The following HMBOX1 variants were observed in gnomAD, a reference collection of about 807,000 sequenced individuals.
HMBOX1 encodes the protein homeobox-containing protein 1.
Under a neutral mutation model 54.5 loss-of-function variants are expected in HMBOX1, and 14 were observed. That is an observed-to-expected ratio of 0.26 (90% CI 0.17 to 0.40). The LOEUF (loss-of-function observed/expected upper bound fraction) is 0.40, where lower values mean the gene tolerates loss of function less well. HMBOX1 is among the 10% of genes least tolerant of loss of function. The pLI is 1.00. For missense variants in HMBOX1, 332 were observed against 514.4 expected, an observed-to-expected ratio of 0.65 and a Z score of 3.43; for synonymous variants, 160 against 181.0, an observed-to-expected ratio of 0.88 and a Z score of 0.93.
At chr8:29,007,016 C>T (rs559616020) in intron 4 of HMBOX1, among the ~76,000 whole-genome samples, 25 of 152,170 alleles carry the variant, frequency 1.6e-4, no homozygotes, top group African/African-American at 3.4e-4. Context: ...AGGCTGGGTG[C>T]GGTGGCTCAT....
intron 1 of HMBOX1, among the ~76,000 whole-genome samples, chr8:28,923,178 A>T (rs1240431464): frequency 6.6e-6 from 1 of 152,146 alleles, no homozygotes; most frequent in Non-Finnish European, 1.5e-5. Flanking sequence ...AGTCACTCCT[A>T]ATTCTCTCCT....
At chr8:29,045,021 C>A (rs1430308240) in intron 6 of HMBOX1, among the ~76,000 whole-genome samples, 1 of 152,204 alleles carries the variant, frequency 6.6e-6, no homozygotes, top group Non-Finnish European at 1.5e-5. Flanking sequence ...TCAATGACAT[C>A]TTTTAATGAA....
intron 4 of HMBOX1, among the ~76,000 whole-genome samples, chr8:28,995,783 A>G (rs1027551309): frequency 6.6e-6 from 1 of 152,178 alleles, no homozygotes; most frequent in Admixed American, 6.5e-5. Flanking sequence ...AAAAATGTCT[A>G]GCCAAATCCT....
At chr8:28,926,825 G>A (rs140326126) in intron 1 of HMBOX1, among the ~76,000 whole-genome samples, 72 of 152,304 alleles carry the variant, frequency 4.7e-4, no homozygotes, top group Admixed American at 1.8e-3. Flanking sequence ...GATTACAGGT[G>A]TGAGCCACCA....
intron 3 of HMBOX1, among the ~76,000 whole-genome samples, chr8:28,979,482 T>G (rs532529433): frequency 2.0e-5 from 3 of 152,220 alleles, no homozygotes; most frequent in East Asian, 3.8e-4. Context: ...AACTTTATAT[T>G]CAACGGATCC....
chr8:29,033,439 T>G (rs1803335269), intron 6 of HMBOX1, among the ~76,000 whole-genome samples: 1 of 152,146 alleles, frequency 6.6e-6, no homozygotes, highest in African/African-American at 2.4e-5. Flanking sequence ...ATTAGACTAT[T>G]TGAGGAAAAA....
intron 1 of HMBOX1, among the ~76,000 whole-genome samples, chr8:28,959,019 G>T (rs1315574216): frequency 6.6e-6 from 1 of 152,108 alleles, no homozygotes; most frequent in East Asian, 1.9e-4. Context: ...CCCAGTAGAT[G>T]CCTGAAACTG....
At chr8:28,905,374 C>CAG (rs909522975) in intron 1 of HMBOX1, among the ~76,000 whole-genome samples, 407 of 150,972 alleles carry the variant, frequency 2.7e-3, no homozygotes, top group African/African-American at 8.3e-3. Context: ...CACACACACG[C>CAG]AGAGAGAGAG....
At chr8:29,027,788 T>G (rs1802296732) in intron 6 of HMBOX1, among the ~76,000 whole-genome samples, 2 of 152,194 alleles carry the variant, frequency 1.3e-5, no homozygotes, top group Admixed American at 6.5e-5. Context: ...TGCTATAATT[T>G]TTAATCGAAG....
chr8:29,046,070 T>C (rs534864701), intron 7 of HMBOX1, among the ~76,000 whole-genome samples: 1 of 152,242 alleles, frequency 6.6e-6, no homozygotes, highest in South Asian at 2.1e-4. Context: ...ACATAAACCA[T>C]TTTCAGTTAA....
intron 4 of HMBOX1, among the ~76,000 whole-genome samples, chr8:28,989,270 C>T (rs1220764540): frequency 6.7e-6 from 1 of 149,534 alleles, no homozygotes; most frequent in Non-Finnish European, 1.5e-5. Flanking sequence ...GAAACTCTGT[C>T]TCAGAAAAAA....
chr8:28,897,485 A>T (rs1812373799), intron 1 of HMBOX1, among the ~76,000 whole-genome samples: 1 of 152,034 alleles, frequency 6.6e-6, no homozygotes. Context: ...GACCAGCCTG[A>T]CCAACATGGT....
chr8:28,953,075 C>T (rs1172175739), intron 1 of HMBOX1, among the ~76,000 whole-genome samples: 2 of 152,202 alleles, frequency 1.3e-5, no homozygotes, highest in African/African-American at 2.4e-5. Context: ...TGAGATTAAA[C>T]GAGCTGTTAA....
In HMBOX1 at chr8:28,970,981, G is replaced by GACACAC. The variant is rs10554708; in HGVS notation, c.500+506_500+511dup. Among the ~76,000 whole-genome samples, 222 of 132,040 alleles carry GACACAC rather than the reference G, an allele frequency of 1.7e-3. 1 individual carries two copies. Among genetic ancestry groups the GACACAC allele is most frequent in the Middle Eastern group, 3.7e-3 (1 of 270 alleles). The allele number at this position is 132,040 out of a possible 152,430, so 86.6% of individuals were successfully genotyped here. A position where few individuals can be genotyped will look rare whatever the true frequency, so the allele number is the denominator to read the frequency against. ...ATAGGTTCTAATTTTAGCAATAGAT[G>GACACAC]ACACACACACACACACACACACACA... On this transcript the variant is annotated intron_variant, in intron 3 of 9. Coordinates refer to ENST00000287701, the MANE Select transcript of HMBOX1 (RefSeq NM_001135726.3). The surrounding 1 kb of genome is among the most constrained non-coding windows in gnomAD (Gnocchi z 4.3).
chr8:28,939,108 G>A (rs147656866), intron 1 of HMBOX1, among the ~76,000 whole-genome samples: 2 of 152,144 alleles, frequency 1.3e-5, no homozygotes, highest in East Asian at 3.9e-4. Flanking sequence ...TGACCAATAT[G>A]GTGAAATCCC....
chr8:29,045,769 A>C (rs909253757), intron 7 of HMBOX1, among the ~76,000 whole-genome samples: 1 of 152,204 alleles, frequency 6.6e-6, no homozygotes, highest in Admixed American at 6.5e-5. Flanking sequence ...AATAATGTTA[A>C]AGTTTTAAAT....
chr8:29,016,274 C>A (rs184066708), intron 5 of HMBOX1, among the ~76,000 whole-genome samples: 21 of 152,110 alleles, frequency 1.4e-4, no homozygotes, highest in Admixed American at 1.3e-3. Flanking sequence ...GAAGAATAAC[C>A]CCCTAAAAAA....
intron 1 of HMBOX1, among the ~76,000 whole-genome samples, chr8:28,951,972 G>A (rs1823496599): frequency 1.3e-5 from 2 of 152,082 alleles, no homozygotes; most frequent in Admixed American, 6.5e-5. Context: ...AGGAGTTTGA[G>A]ACCAGCCTGG....
chr8:29,026,857 T>C (rs990065652), intron 6 of HMBOX1, among the ~76,000 whole-genome samples: 7 of 152,358 alleles, frequency 4.6e-5, no homozygotes, highest in African/African-American at 1.7e-4. Context: ...TAGATTAATA[T>C]ATGTTACAAC....
Sources: allele counts gnomAD v4.1 joint callset (sites outside exome capture counted in the v4.1 genomes callset), GRCh38; gene constraint gnomAD v4.1.1; non-coding constraint Gnocchi (gnomAD v3.1); transcripts MANE v1.5; gene names NCBI Gene and HGNC (gene_info 2026-07-23, HGNC 2026-07-21).